Variants in NUP210 observed in about 807,000 individuals in gnomAD.
NUP210 encodes nuclear pore membrane glycoprotein 210.
Under a neutral mutation model 196.0 loss-of-function variants are expected in NUP210, and 151 were observed. The observed-to-expected ratio is 0.77, with a 90% confidence interval of 0.67 to 0.88. The LOEUF (loss-of-function observed/expected upper bound fraction) is 0.88. Ranked by LOEUF, NUP210 falls within the 40% of genes least tolerant of loss-of-function variation. NUP210 has a pLI of 0.00. For missense variants in NUP210, 2,314 were observed against 2,493.7 expected, an observed-to-expected ratio of 0.93 and a Z score of 1.53; for synonymous variants, 1,070 against 1,052.7, an observed-to-expected ratio of 1.02 and a Z score of -0.32.
In NUP210 at chr3:13,337,930, G is replaced by A. The variant is rs756109248; in HGVS notation, c.3472-13C>T. On this transcript the variant is annotated splice_polypyrimidine_tract_variant and intron_variant, in intron 25 of 39. Coordinates refer to ENST00000254508, the MANE Select transcript of NUP210 (RefSeq NM_024923.4). ...CCTGCACGAGGTCCTGGGGAAACAG[G>A]GTGGCACTTAGGTGTGGGGATGCAG... The A allele has an allele frequency of 1.2e-6, 2 of 1,611,338 alleles. No homozygotes were observed. Among genetic ancestry groups the A allele is most frequent in the Non-Finnish European group, 1.7e-6 (2 of 1,179,224 alleles).
intron 33 of NUP210, among the ~76,000 whole-genome samples, chr3:13,324,788 T>C (rs546836329): frequency 3.9e-4 from 59 of 152,302 alleles, no homozygotes; most frequent in African/African-American, 1.2e-3. Context: ...CCACTGAGTG[T>C]GGCATAAGCT....
chr3:13,381,869 C>T (rs369336674), intron 6 of NUP210, among the ~76,000 whole-genome samples: 3 of 152,104 alleles, frequency 2.0e-5, no homozygotes, highest in African/African-American at 7.2e-5. Context: ...CCGGACCTTG[C>T]ACTCCACATG....
At chr3:13,331,941 C>T (rs949092407) in intron 29 of NUP210, among the ~76,000 whole-genome samples, 9 of 152,192 alleles carry the variant, frequency 5.9e-5, no homozygotes, top group African/African-American at 2.2e-4. Flanking sequence ...CTTCTCTTCC[C>T]GGTGATGCTG....
chr3:13,325,280 C>T (rs1424713477), intron 33 of NUP210, among the ~76,000 whole-genome samples: 1 of 152,240 alleles, frequency 6.6e-6, no homozygotes, highest in Non-Finnish European at 1.5e-5. Context: ...AGCCGCAGCA[C>T]TAAATATGCA....
chr3:13,378,541 G>A (rs1698997297), intron 8 of NUP210, among the ~76,000 whole-genome samples: 1 of 152,200 alleles, frequency 6.6e-6, no homozygotes, highest in African/African-American at 2.4e-5. Context: ...CCTGCCTACT[G>A]TCATGTCACC....
chr3:13,382,383 T>C (rs1396691765), intron 6 of NUP210, among the ~76,000 whole-genome samples: 1 of 152,180 alleles, frequency 6.6e-6, no homozygotes, highest in East Asian at 1.9e-4. Context: ...CAGGCCTCAC[T>C]TGCAGACATG....
At chr3:13,349,625 A>C (rs1187944573) in intron 20 of NUP210, among the ~76,000 whole-genome samples, 1 of 152,242 alleles carries the variant, frequency 6.6e-6, no homozygotes, top group Admixed American at 6.5e-5. Flanking sequence ...GCCCAGCACC[A>C]TAGCTCTGGC....
chr3:13,396,010 A>G (rs1699638394), intron 3 of NUP210, among the ~76,000 whole-genome samples: 1 of 152,156 alleles, frequency 6.6e-6, no homozygotes, highest in African/African-American at 2.4e-5. Flanking sequence ...CACTATCTCA[A>G]TCTCACAGGT....
intron 1 of NUP210, among the ~76,000 whole-genome samples, chr3:13,406,103 C>A (rs1321734405): frequency 6.6e-6 from 1 of 152,152 alleles, no homozygotes; most frequent in Admixed American, 6.5e-5. Context: ...TACATAAAAG[C>A]AGCAGCATTT....
rs1360266494 is a variant in NUP210 at position 13,343,052 on chromosome 3, G to T, written c.2964+123C>A. On this transcript the variant is annotated intron_variant, in intron 21 of 39. Coordinates refer to ENST00000254508, the MANE Select transcript of NUP210 (RefSeq NM_024923.4). ...TGGGAGACAGCTCCGCAAGCTCACA[G>T]GGGAAGGGATGCAGACCACAGGAGC... 4 of 1,190,990 alleles carry T rather than the reference G, an allele frequency of 3.4e-6. No individual in the cohort carries two copies. In the African/African-American group the frequency reaches 6.0e-5, roughly 18 times the overall value. 73.8% of individuals were successfully genotyped at this position (1,190,990 alleles called of 1,614,324 possible).
chr3:13,375,711 A>G, intron 10 of NUP210, 70 bp from the exon 11 acceptor site: 3 of 1,510,640 alleles, frequency 2.0e-6, no homozygotes, highest in Non-Finnish European at 2.7e-6. Flanking sequence ...CAGTCACCGG[A>G]CCCCCACCCC....
chr3:13,373,665 C>G, intron 12 of NUP210, 53 bp downstream of exon 12: 1 of 1,590,670 alleles, frequency 6.3e-7, no homozygotes, highest in Non-Finnish European at 8.6e-7. Context: ...GAGGGGGCGG[C>G]TGGAGACCAC....
Position 13,399,764 on chromosome 3 carries a change from G to C in NUP210, c.265C>G (p.Pro89Ala), listed in dbSNP as rs746026783. The C allele has an allele frequency of 9.3e-6, 15 of 1,613,990 alleles. No homozygotes were observed. The African/African-American group carries it at 1.9e-4, about 20-fold the overall frequency. ...KAVVQARLTQ[P>A]ARLTSIIFAE... ...AAGATGATGCTGGTGAGGCGGGCAG[G>C]CTGGGTCAGGCGGGCCTGCACCACT... is the stretch of plus-strand genomic sequence containing the variant. The change falls in exon 2 of 40, where the codon CCT becomes GCT. Residue 89 changes from proline to alanine, a missense_variant. Pro to Ala is a conservative substitution (Grantham distance 27, BLOSUM62 -1). Coordinates refer to ENST00000254508, the MANE Select transcript of NUP210 (RefSeq NM_024923.4).
At chr3:13,386,897 C>A (rs1013723248) in intron 5 of NUP210, among the ~76,000 whole-genome samples, 6 of 152,190 alleles carry the variant, frequency 3.9e-5, no homozygotes, top group African/African-American at 9.7e-5. Context: ...TGACCTCCTG[C>A]CTCCTCAGGA....
intron 14 of NUP210, among the ~76,000 whole-genome samples, chr3:13,363,287 T>C (rs765127039): frequency 5.3e-5 from 8 of 152,218 alleles, no homozygotes; most frequent in Non-Finnish European, 1.0e-4. Flanking sequence ...GGCCCGGGTC[T>C]GTTCTGACTC....
In NUP210 at chr3:13,379,689, G is replaced by T. The variant is rs1699040387; in HGVS notation, c.850C>A (p.Gln284Lys). ...GGGCCCGGGATGCTGTTCTGAAGCT[G>T]CAACTCGTACTGATCGGAAGGCATG... ...LSMPSDQYEL[Q>K]LQNSIPGPEG... Residue 284 changes from glutamine to lysine, a missense_variant, in exon 7 of 40, where the codon CAG becomes AAG. Coordinates refer to ENST00000254508, the MANE Select transcript of NUP210 (RefSeq NM_024923.4). The surrounding 1 kb of genome is among the most constrained non-coding windows in gnomAD (Gnocchi z 4.2). The T allele has an allele frequency of 6.2e-7, 1 of 1,612,946 alleles. No individual in the cohort carries two copies. The highest frequency in any genetic ancestry group is 2.2e-5 in the East Asian group (1 of 44,856).
chr3:13,418,969 A>G (rs1209348758), intron 1 of NUP210, among the ~76,000 whole-genome samples: 1 of 149,120 alleles, frequency 6.7e-6, no homozygotes, highest in Non-Finnish European at 1.5e-5. Context: ...AAAAAAAAAA[A>G]AAAAGAAAGA....
At chr3:13,341,002 G>A (rs1697462406) in intron 23 of NUP210, 1 of 152,258 alleles carries the variant, frequency 6.6e-6, no homozygotes, top group African/African-American at 2.4e-5. Context: ...CCAGAAGAAA[G>A]GTGCACCTCC....
intron 16 of NUP210, among the ~76,000 whole-genome samples, chr3:13,355,813 C>A (rs1174495729): frequency 1.3e-5 from 2 of 152,196 alleles, no homozygotes; most frequent in African/African-American, 2.4e-5. Context: ...ATGGCTCCCC[C>A]AGATGCAATC....
Sources: gnomAD v4.1 joint callset for allele counts (sites outside exome capture counted in the v4.1 genomes callset) on GRCh38, gnomAD v4.1.1 for gene constraint, Gnocchi (gnomAD v3.1) non-coding constraint, MANE v1.5 for transcripts, NCBI Gene and HGNC (gene_info 2026-07-23, HGNC 2026-07-21) for gene names.